The following HSPA9 variants were observed in gnomAD, a reference collection of about 807,000 sequenced individuals.
HSPA9 encodes heat shock protein family A (Hsp70) member 9, also known as stress-70 protein, mitochondrial.
HSPA9 carries 28 observed loss-of-function variants against 81.5 expected under a neutral mutation model. The observed-to-expected ratio is 0.34, with a 90% CI of 0.25 to 0.47. HSPA9 has a LOEUF of 0.47. Ranked by LOEUF, HSPA9 falls within the 20% of genes least tolerant of loss-of-function variation. The pLI, the probability that HSPA9 is intolerant of heterozygous loss-of-function variation, is 1.00. For synonymous variants in HSPA9, 293 were observed against 290.4 expected (o/e 1.01, Z -0.09); for missense variants, 678 against 838.0 (o/e 0.81, Z 2.36).
intron 5 of HSPA9, among the ~76,000 whole-genome samples, chr5:138,567,985 A>C (rs1023639556): frequency 6.7e-6 from 1 of 148,630 alleles, no homozygotes; most frequent in Non-Finnish European, 1.5e-5. Flanking sequence ...GAGAGTTTTG[A>C]GACCAGCCTA....
chr5:138,565,801 C>A (rs1488705473), intron 9 of HSPA9, among the ~76,000 whole-genome samples: 3 of 152,198 alleles, frequency 2.0e-5, no homozygotes, highest in Non-Finnish European at 2.9e-5. Flanking sequence ...GCAGCCTCAA[C>A]CTCCTGGGCT....
At position 138,575,246 on chromosome 5, in the gene HSPA9, G is replaced by C. The variant is rs1027342347; in HGVS notation, c.73C>G (p.Arg25Gly). ...AAASRGPTAA[R>G]HQDSWNGLSH... The stretch of plus-strand genomic sequence containing the variant: ...AGGTCCCAGTTCCTCACCTGGTGGC[G>C]GGCGGCCGTAGGGCCCCGGGAGGCT... The change falls in exon 1 of 17, where the codon CGC (arginine) becomes GGC (glycine). Residue 25 changes from arginine to glycine, a missense_variant. Transcript: ENST00000297185. 2.5e-6 allele frequency: 4 copies of C among 1,602,834 alleles called. No individual in the cohort carries two copies. The highest frequency in any genetic ancestry group is 3.4e-6 in the Non-Finnish European group (4 of 1,175,666).
intron 16 of HSPA9, 37 bp downstream of exon 16, chr5:138,556,415 A>T (rs1324348525): frequency 1.2e-6 from 2 of 1,608,650 alleles, no homozygotes; most frequent in Non-Finnish European, 8.5e-7. Flanking sequence ...TTCCATCCAG[A>T]TCAAGTTAGA....
At chr5:138,562,628 A>T (rs1408239162) in intron 9 of HSPA9, among the ~76,000 whole-genome samples, 2 of 152,244 alleles carry the variant, frequency 1.3e-5, no homozygotes, top group East Asian at 3.8e-4. Context: ...TATAGTTATT[A>T]ACAAGAATGC....
chr5:138,566,740 C>T (rs766342152), intron 8 of HSPA9, 22 bp from the exon 9 acceptor site: 1 of 1,542,846 alleles, frequency 6.5e-7, no homozygotes, highest in South Asian at 1.1e-5. Context: ...AGACATTGAA[C>T]ACCAAACACC....
Position 138,554,506 on chromosome 5 carries a change from T to C in HSPA9, c.*1531A>G, listed in dbSNP as rs900580409. ...TTTTTCACGAATCCCAAGAATCTTT[T>C]ACATGGGTGTTAACAAGCACTGAAT... On this transcript the variant is annotated 3_prime_UTR_variant, in exon 17 of 17. Coordinates refer to ENST00000297185, the MANE Select transcript of HSPA9 (RefSeq NM_004134.7). 5.3e-5 allele frequency among the ~76,000 whole-genome samples: 8 copies of C among 152,378 alleles called. No homozygotes were observed. The highest frequency in any genetic ancestry group is 1.2e-4 in the Non-Finnish European group (8 of 68,044).
At chr5:138,561,102 T>C (rs753965764) in intron 10 of HSPA9, 42 of 490,434 alleles carry the variant, frequency 8.6e-5, no homozygotes, top group Admixed American at 4.0e-5. Flanking sequence ...ATAAAATACA[T>C]CATTGCACAA....
intron 8 of HSPA9, 41 bp from the exon 9 acceptor site, chr5:138,566,759 TGA>T (rs1750773889): frequency 6.8e-7 from 1 of 1,461,602 alleles, no homozygotes; most frequent in African/African-American, 1.4e-5. Flanking sequence ...CCAGCATTAG[TGA>T]GGTGATAAAT....
chr5:138,560,153 AG>A (rs1024331460), intron 10 of HSPA9, 62 bp from the exon 11 acceptor site: 17 of 1,184,358 alleles, frequency 1.4e-5, no homozygotes, highest in Non-Finnish European at 1.9e-5. Context: ...GCAGAACAAA[AG>A]GGAGCACGTG....
Position 138,555,018 on chromosome 5 carries a change from C to G in HSPA9, c.*1019G>C, listed in dbSNP as rs955741213. On this transcript the variant is annotated 3_prime_UTR_variant, in exon 17 of 17. Coordinates refer to ENST00000297185, the MANE Select transcript of HSPA9 (RefSeq NM_004134.7). ...GGAGCTGAAAGCAACCTGAAAATAGCCACCTTGGTTTTCATGTTAGAGATC... is the reference window on the plus strand; with the variant it reads ...GGAGCTGAAAGCAACCTGAAAATAGGCACCTTGGTTTTCATGTTAGAGATC... 6 of 152,236 alleles carry G rather than the reference C, an allele frequency of 3.9e-5. No homozygotes were observed. Among genetic ancestry groups the G allele is most frequent in the South Asian group, 4.2e-4 (2 of 4,818 alleles). 9.4% of individuals were successfully genotyped at this position (152,236 alleles called of 1,614,324 possible). A position where few individuals can be genotyped will look rare whatever the true frequency, so the allele number is the denominator to read the frequency against.
chr5:138,567,822 C>T, intron 5 of HSPA9, 100 bp from the exon 6 acceptor site: 1 of 872,268 alleles, frequency 1.1e-6, no homozygotes, highest in Non-Finnish European at 1.9e-6. Flanking sequence ...AGACAACATT[C>T]TTCAGTCTTT....
chr5:138,561,088 T>G (rs756489503), intron 10 of HSPA9: 2 of 495,570 alleles, frequency 4.0e-6, no homozygotes, highest in African/African-American at 3.9e-5. Context: ...GAATGATGTG[T>G]TGAATAAAAT....
intron 1 of HSPA9, 44 bp downstream of exon 1, chr5:138,575,194 G>T: frequency 7.2e-7 from 1 of 1,395,030 alleles, no homozygotes; most frequent in Non-Finnish European, 1.0e-6. Context: ...CGAGGCCCAA[G>T]GCCCGAGGCC....
Position 138,569,052 on chromosome 5 carries a change from G to T in HSPA9, c.411-3C>A. 6.2e-7 allele frequency: 1 copy of T among 1,613,274 alleles called. No homozygotes were observed. The highest frequency in any genetic ancestry group is 8.5e-7 in the Non-Finnish European group (1 of 1,179,386). On this transcript the variant is annotated splice_region_variant and splice_polypyrimidine_tract_variant and intron_variant, in intron 4 of 16. Transcript: ENST00000297185. ...CAATTTTAAAGGGAACATTTTTACT[G>T]TAAGACACAAAAATTCTATTAGAGA...
Position 138,559,057 on chromosome 5 carries a change from T to C in HSPA9, c.1411-400A>G, listed in dbSNP as rs546733633. On this transcript the variant is annotated intron_variant, in intron 11 of 16. Transcript: ENST00000297185. The stretch of plus-strand genomic sequence containing the variant: ...CACGGCACAAATATACCAACAACCA[T>C]AGTTTTATGGAAAAACATCACAAGA... 158 of 202,232 alleles carry C rather than the reference T, an allele frequency of 7.8e-4. 5 individuals are homozygous for C. The South Asian group carries it at 0.011, about 14-fold the overall frequency. The allele number at this position is 202,232 out of a possible 1,614,324, so 12.5% of individuals were successfully genotyped here.
In HSPA9 at chr5:138,556,824, C is replaced by T. The variant is rs761237709; in HGVS notation, c.1771G>A (p.Asp591Asn). ...AATTCTTCCATCTTGGTTTCTGTGTCGTGAATGATTCCTTCAGCCATATTA... is the reference window on the plus strand; with the variant it reads ...AATTCTTCCATCTTGGTTTCTGTGTTGTGAATGATTCCTTCAGCCATATTA... ...AVNMAEGIIH[D>N]TETKMEEFKD... Residue 591 changes from aspartate to asparagine, a missense_variant, in exon 15 of 17, where the codon GAC becomes AAC. Around this residue, in one of 4 missense-constraint regions of HSPA9, gnomAD observed 484 missense variants for 647.5 expected, o/e 0.75. Transcript: ENST00000297185. 1.3e-5 allele frequency: 21 copies of T among 1,613,786 alleles called. No homozygotes were observed. Among genetic ancestry groups the T allele is most frequent in the Admixed American group, 3.3e-5 (2 of 60,006 alleles).
intron 9 of HSPA9, among the ~76,000 whole-genome samples, chr5:138,564,093 A>ATTATTT (rs1275748406): frequency 9.2e-5 from 14 of 151,934 alleles, no homozygotes; most frequent in African/African-American, 3.4e-4. Flanking sequence ...GATTATTTTT[A>ATTATTT]TTATTTTTAT....
chr5:138,559,571 A>G, intron 11 of HSPA9: 1 of 388,964 alleles, frequency 2.6e-6, no homozygotes, highest in Non-Finnish European at 4.9e-6. Context: ...CAGGAAATTC[A>G]GTCTCAAATG....
rs746340776 is a variant in HSPA9 at position 138,566,655 on chromosome 5, C to T, written c.943G>A (p.Ala315Thr). The change falls in exon 9 of 17, where the codon GCT becomes ACT. Residue 315 changes from alanine to threonine, a missense_variant. Ala to Thr is a moderately conservative substitution (Grantham distance 58). Coordinates refer to ENST00000297185, the MANE Select transcript of HSPA9 (RefSeq NM_004134.7). ...LQRVREAAEK[A>T]KCELSSSVQT... ...ACAGATGAGGAGAGTTCACATTTAG[C>T]CTTTTCAGCAGCTTCCCGTACCCTC... The T allele has an allele frequency of 3.7e-6, 6 of 1,613,948 alleles. No homozygotes were observed. The South Asian group carries it at 6.6e-5, about 18-fold the overall frequency.
Sources: gnomAD v4.1 joint callset for allele counts (sites outside exome capture counted in the v4.1 genomes callset) on GRCh38, gnomAD v4.1.1 for gene constraint, gnomAD v4.1.1 regional missense constraint, MANE v1.5 for transcripts, NCBI Gene and HGNC (gene_info 2026-07-23, HGNC 2026-07-21) for gene names.